Variants in MALRD1 observed in about 807,000 individuals in gnomAD.
MALRD1 encodes MAM and LDL receptor class A domain containing 1.
A neutral mutation model predicts 242.1 loss-of-function variants in MALRD1; 247 were observed. The ratio of observed to expected loss-of-function variants is 1.02; its 90% CI spans 0.92 to 1.13. The LOEUF (loss-of-function observed/expected upper bound fraction) is 1.13, where lower values mean the gene tolerates loss of function less well. Among genes scored for constraint, MALRD1 ranks in the 50% most tolerant of loss-of-function variants. The pLI is 0.00. For synonymous variants in MALRD1, 995 were observed against 866.6 expected, an observed-to-expected ratio of 1.15 and a Z score of -2.60; for missense variants, 2,989 against 2,533.1, an observed-to-expected ratio of 1.18 and a Z score of -3.86.
At chr10:19,209,170 A>G in intron 17 of MALRD1, 98 bp from the exon 18 acceptor site, 1 of 1,122,926 alleles carries the variant, frequency 8.9e-7, no homozygotes, top group Non-Finnish European at 1.2e-6. Context: ...GCATGAGCAA[A>G]GTATCAACTA....
At chr10:19,052,315 T>A (rs986192692) in intron 1 of MALRD1, 51 of 171,564 alleles carry the variant, frequency 3.0e-4, no homozygotes, top group Non-Finnish European at 7.5e-5. Flanking sequence ...GAAAGGAAGC[T>A]CCCATTCAAA....
At chr10:19,310,423 T>C (rs778487355) in intron 21 of MALRD1, among the ~76,000 whole-genome samples, 21 of 151,524 alleles carry the variant, frequency 1.4e-4, no homozygotes, top group Non-Finnish European at 2.7e-4. Context: ...AGTATGATGA[T>C]TAATTGGAAA....
chr10:19,702,324 G>A (rs2131849307), intron 38 of MALRD1, among the ~76,000 whole-genome samples: 1 of 152,216 alleles, frequency 6.6e-6, no homozygotes, highest in South Asian at 2.1e-4. Context: ...TTCCCAAAAA[G>A]CATATGACTA....
intron 32 of MALRD1, among the ~76,000 whole-genome samples, chr10:19,544,431 G>A (rs3844356): frequency 0.79 from 120,120 of 151,946 alleles, 48,016 homozygotes; most frequent in Non-Finnish European, 0.85. Flanking sequence ...CAAGTGATTC[G>A]CCCACCTAGG....
chr10:19,240,776 A>T (rs1261087884), intron 18 of MALRD1, among the ~76,000 whole-genome samples: 1 of 152,122 alleles, frequency 6.6e-6, no homozygotes, highest in Non-Finnish European at 1.5e-5. Context: ...TCATAAAGGA[A>T]TGTTGACTTT....
intron 28 of MALRD1, among the ~76,000 whole-genome samples, chr10:19,394,802 G>C (rs892908143): frequency 2.6e-5 from 4 of 152,192 alleles, no homozygotes; most frequent in Admixed American, 6.5e-5. Context: ...ATTTTGGATT[G>C]CGGGGTTAGG....
At chr10:19,478,429 A>G (rs1008695293) in intron 29 of MALRD1, among the ~76,000 whole-genome samples, 3 of 152,186 alleles carry the variant, frequency 2.0e-5, no homozygotes, top group Non-Finnish European at 2.9e-5. Flanking sequence ...CTCCCCTCTC[A>G]ATATAGCAAT....
In MALRD1 at chr10:19,076,161, T is replaced by C. The variant is rs78523947; in HGVS notation, c.340+9302T>C. Among the ~76,000 whole-genome samples the C allele has an allele frequency of 2.8e-3, 424 of 152,108 alleles. 1 individual carries two copies. The highest frequency in any genetic ancestry group is 9.8e-3 in the African/African-American group (407 of 41,546). ...ATTTTCATTGCTTCCCTTTAGATCA[T>C]GCCAAAAATTAAGGATCTGTCTTCC... On this transcript the variant is annotated intron_variant, in intron 2 of 39. Coordinates refer to ENST00000454679, the MANE Select transcript of MALRD1 (RefSeq NM_001142308.3).
intron 21 of MALRD1, among the ~76,000 whole-genome samples, chr10:19,308,360 T>A (rs1244595685): frequency 6.6e-6 from 1 of 151,530 alleles, no homozygotes; most frequent in East Asian, 1.9e-4. Context: ...CTATGTAAAC[T>A]ATATGGTATA....
chr10:19,386,741 C>CAA (rs1846097153), intron 26 of MALRD1, among the ~76,000 whole-genome samples: 2 of 151,614 alleles, frequency 1.3e-5, no homozygotes, highest in South Asian at 4.2e-4. Flanking sequence ...CACACACACA[C>CAA]AATACTCTTT....
intron 36 of MALRD1, among the ~76,000 whole-genome samples, chr10:19,625,424 T>C (rs143155842): frequency 7.4e-4 from 113 of 152,234 alleles, no homozygotes; most frequent in African/African-American, 2.6e-3. Context: ...ACTCCAGATT[T>C]ATCCTTTACT....
chr10:19,564,109 T>A (rs3864838), intron 32 of MALRD1, among the ~76,000 whole-genome samples: 131,884 of 152,140 alleles, frequency 0.87, 57,205 homozygotes, highest in African/African-American at 0.89. Flanking sequence ...TTTCTTAAGT[T>A]TTACCCAGTC....
chr10:19,120,441 A>T (rs1001265929), intron 5 of MALRD1, among the ~76,000 whole-genome samples: 6 of 152,188 alleles, frequency 3.9e-5, no homozygotes, highest in African/African-American at 1.4e-4. Flanking sequence ...TGACGAAAAA[A>T]CAAACAAACA....
chr10:19,165,265 A>ATATATATATATATATATTTTTT, intron 12 of MALRD1, among the ~76,000 whole-genome samples: 9 of 130,272 alleles, frequency 6.9e-5, no homozygotes, highest in Admixed American at 2.3e-4. Flanking sequence ...ATATATATAT[A>ATATATATATATATATATTTTTT]TTTTGTTTTG....
rs1270226336 is a variant in MALRD1 at position 19,134,222 on chromosome 10, G to A, written c.1203+274G>A. 7.2e-5 allele frequency among the ~76,000 whole-genome samples: 11 copies of A among 152,110 alleles called. No individual in the cohort carries two copies. The East Asian group carries it at 2.1e-3, about 29-fold the overall frequency. On this transcript the variant is annotated intron_variant, in intron 9 of 39. Transcript: ENST00000454679. Reference sequence around the variant, plus strand: ...TTCTTGCTCCCCAGCACCATGCTGTGCCCCAGGGAAACAAATTGCATTATG... The same window carrying A: ...TTCTTGCTCCCCAGCACCATGCTGTACCCCAGGGAAACAAATTGCATTATG...
intron 1 of MALRD1, among the ~76,000 whole-genome samples, chr10:19,065,751 G>A (rs757306350): frequency 6.6e-6 from 1 of 152,112 alleles, no homozygotes; most frequent in Non-Finnish European, 1.5e-5. Flanking sequence ...TTGGATCTTG[G>A]ATCACCCAGA....
chr10:19,595,186 T>C lies in MALRD1; in HGVS notation c.5681-8T>C. 6.5e-7 allele frequency: 1 copy of C among 1,543,330 alleles called. No individual in the cohort carries two copies. Among genetic ancestry groups the C allele is most frequent in the South Asian group, 1.2e-5 (1 of 83,306 alleles). Reference sequence around the variant, plus strand: ...TGCCAAAATAACTTGACTTGCTCTCTTTTTTAGGTCCTGTCCCAGTGCAGC... The same window carrying C: ...TGCCAAAATAACTTGACTTGCTCTCCTTTTTAGGTCCTGTCCCAGTGCAGC... On this transcript the variant is annotated splice_polypyrimidine_tract_variant and splice_region_variant and intron_variant, in intron 33 of 39. Transcript: ENST00000454679.
chr10:19,725,948 A>C (rs1835004009), intron 38 of MALRD1, among the ~76,000 whole-genome samples: 1 of 152,206 alleles, frequency 6.6e-6, no homozygotes, highest in South Asian at 2.1e-4. Context: ...AATTAGCTCA[A>C]AATGGATCAA....
rs1032053140 is a variant in MALRD1, at chr10:19,369,400, A to G, written c.4441+17103A>G. ...CATATTGAAATATATTTATATATAA[A>G]TGCACACACACATTCTTCTATGGAG... is the stretch of plus-strand genomic sequence containing the variant. On this transcript the variant is annotated intron_variant, in intron 26 of 39. Transcript: ENST00000454679. Among the ~76,000 whole-genome samples, 50 of 53,384 alleles carry G rather than the reference A, an allele frequency of 9.4e-4. 1 individual carries two copies. Among genetic ancestry groups the G allele is most frequent in the Non-Finnish European group, 1.4e-4 (4 of 28,198 alleles). 35.0% of individuals were successfully genotyped at this position (53,384 alleles called of 152,430 possible). A position where few individuals can be genotyped will look rare whatever the true frequency, so the allele number is the denominator to read the frequency against.
Sources: allele counts gnomAD v4.1 joint callset (sites outside exome capture counted in the v4.1 genomes callset), GRCh38; gene constraint gnomAD v4.1.1; transcripts MANE v1.5; gene names NCBI Gene and HGNC (gene_info 2026-07-23, HGNC 2026-07-21).